The following WAC variants were observed in gnomAD, a reference collection of about 807,000 sequenced individuals.
WAC encodes WW domain containing adaptor with coiled-coil, also known as WW domain-containing adapter protein with coiled-coil.
WAC carries 11 observed loss-of-function variants against 79.6 expected under a neutral mutation model. The observed-to-expected ratio is 0.14, with a 90% CI of 0.09 to 0.23. WAC has a LOEUF of 0.23. Ranked by LOEUF, WAC falls within the 10% of genes least tolerant of loss-of-function variation. The pLI, the probability that WAC is intolerant of heterozygous loss-of-function variation, is 1.00. For synonymous variants in WAC, 304 were observed against 276.9 expected, an observed-to-expected ratio of 1.10 and a Z score of -0.97; for missense variants, 728 against 773.5, an observed-to-expected ratio of 0.94 and a Z score of 0.70.
chr10:28,603,981 ATATATATG>A (rs58327835), intron 7 of WAC, among the ~76,000 whole-genome samples: 9,162 of 51,274 alleles, frequency 0.18, 821 homozygotes, highest in East Asian at 0.2. Context: ...ATATATATAT[ATATATATG>A]TATATATATA....
At chr10:28,583,738 T>A (rs186125839) in intron 4 of WAC, among the ~76,000 whole-genome samples, 108 of 152,200 alleles carry the variant, frequency 7.1e-4, no homozygotes, top group Non-Finnish European at 7.2e-4. Flanking sequence ...TGGTATTACT[T>A]AATTAGGATT....
intron 3 of WAC, chr10:28,537,740 T>G (rs1472534826): frequency 3.3e-5 from 5 of 152,206 alleles, no homozygotes; most frequent in African/African-American, 1.2e-4. Context: ...CTAGTGGTGT[T>G]TTAGCCACTT....
chr10:28,550,021 C>G (rs1460385900), intron 3 of WAC, among the ~76,000 whole-genome samples: 3 of 152,126 alleles, frequency 2.0e-5, no homozygotes, highest in African/African-American at 7.2e-5. Flanking sequence ...AAAAAGTTAG[C>G]TGGGTGTGGT....
chr10:28,616,251 G>C lies in WAC; in HGVS notation c.1635G>C (p.Gln545His). Residue 545 changes from glutamine (Q) to histidine (H), a missense_variant, in exon 12 of 14, where the codon CAG (glutamine) becomes CAC (histidine). This residue lies in a region of WAC where 648 missense variants were observed against 661.5 expected (regional missense o/e 0.98). Transcript: ENST00000354911. ...SNASNATVVP[Q>H]NSSARSTCSL... ...CATCAAATGCAACAGTTGTACCACA[G>C]AATTCTTCTGCCCGATCCACGTGTT... 1 of 1,613,986 alleles carries C rather than the reference G, an allele frequency of 6.2e-7. No individual in the cohort carries two copies. The highest frequency in any genetic ancestry group is 8.5e-7 in the Non-Finnish European group (1 of 1,179,936).
intron 7 of WAC, among the ~76,000 whole-genome samples, chr10:28,598,252 A>C (rs751909038): frequency 1.7e-4 from 26 of 152,206 alleles, no homozygotes; most frequent in Admixed American, 7.2e-4. Context: ...GGATGGTTGC[A>C]GTCTGTTTTA....
At chr10:28,548,293 C>T (rs192482560) in intron 3 of WAC, among the ~76,000 whole-genome samples, 446 of 152,180 alleles carry the variant, frequency 2.9e-3, no homozygotes, top group Non-Finnish European at 4.9e-3. Flanking sequence ...TAACCCTATC[C>T]GTTAGAGAGT....
rs543796328 is a variant in WAC, at chr10:28,564,180, G to C, written c.275-19219G>C. On this transcript the variant is annotated intron_variant, in intron 3 of 13. Transcript: ENST00000354911. ...CTCTGGAGGCTGAGGTGGGAGGAAG[G>C]CTTAAGCCTAGGAGGTGGAGGTTGC... Among the ~76,000 whole-genome samples, 11 of 152,198 alleles carry C rather than the reference G, an allele frequency of 7.2e-5. No homozygotes were observed. In the South Asian group the frequency reaches 2.3e-3, roughly 32 times the overall value.
intron 6 of WAC, 31 bp downstream of exon 6, chr10:28,590,863 A>G (rs1470585011): frequency 2.7e-6 from 4 of 1,500,994 alleles, no homozygotes; most frequent in Non-Finnish European, 3.7e-6. Context: ...TTTGAAATGT[A>G]TGTTTGACTT....
intron 3 of WAC, among the ~76,000 whole-genome samples, chr10:28,577,178 A>G (rs1475535813): frequency 1.3e-5 from 2 of 152,160 alleles, no homozygotes; most frequent in Admixed American, 1.3e-4. Context: ...TTCTTGATAT[A>G]CAGTTGGTAA....
chr10:28,578,648 C>G (rs978473514), intron 3 of WAC, among the ~76,000 whole-genome samples: 2 of 152,028 alleles, frequency 1.3e-5, no homozygotes, highest in African/African-American at 4.8e-5. Context: ...ATGTCCATTT[C>G]TCGCTGAGTC....
At chr10:28,545,438 C>CCAT in intron 3 of WAC, among the ~76,000 whole-genome samples, 1 of 152,048 alleles carries the variant, frequency 6.6e-6, no homozygotes, top group Non-Finnish European at 1.5e-5. Context: ...TGAGATCACG[C>CCAT]CATTACATTC....
At chr10:28,559,579 A>C (rs1208573416) in intron 3 of WAC, among the ~76,000 whole-genome samples, 3 of 152,188 alleles carry the variant, frequency 2.0e-5, no homozygotes, top group African/African-American at 7.2e-5. Context: ...GTGACAAGCA[A>C]GTTTGTAAAG....
intron 11 of WAC, 90 bp downstream of exon 11, chr10:28,614,775 T>A: frequency 8.9e-7 from 1 of 1,126,488 alleles, no homozygotes; most frequent in Non-Finnish European, 1.3e-6. Context: ...AAATAGAACT[T>A]AACCTTTAAA....
chr10:28,600,808 C>T (rs1042504676), intron 7 of WAC, among the ~76,000 whole-genome samples: 5 of 151,702 alleles, frequency 3.3e-5, no homozygotes, highest in African/African-American at 1.2e-4. Flanking sequence ...ATACTTGCGA[C>T]ATGTAACAGG....
chr10:28,577,449 A>G (rs188917702), intron 3 of WAC, among the ~76,000 whole-genome samples: 24 of 152,164 alleles, frequency 1.6e-4, no homozygotes, highest in Admixed American at 7.8e-4. Context: ...GCTTTGTTCT[A>G]TTTTTCCCAT....
chr10:28,544,058 T>A (rs1402853073), intron 3 of WAC, among the ~76,000 whole-genome samples: 2 of 152,198 alleles, frequency 1.3e-5, no homozygotes, highest in Non-Finnish European at 2.9e-5. Flanking sequence ...AATTTTTGTA[T>A]TTTTAGTAGA....
At chr10:28,573,196 C>G (rs530545315) in intron 3 of WAC, among the ~76,000 whole-genome samples, 2 of 151,760 alleles carry the variant, frequency 1.3e-5, no homozygotes. Flanking sequence ...CTAGGCTGGT[C>G]TGGAATTCCT....
intron 4 of WAC, among the ~76,000 whole-genome samples, chr10:28,588,204 G>C (rs1485975516): frequency 6.6e-6 from 1 of 152,148 alleles, no homozygotes; most frequent in East Asian, 1.9e-4. Context: ...GTATAGGGAG[G>C]AGTAGGTGGT....
intron 3 of WAC, among the ~76,000 whole-genome samples, chr10:28,577,035 T>C (rs1319947604): frequency 2.6e-5 from 4 of 152,214 alleles, no homozygotes; most frequent in African/African-American, 7.2e-5. Context: ...GTGACTGTCA[T>C]TGAATAGCAC....
Sources: allele counts gnomAD v4.1 joint callset (sites outside exome capture counted in the v4.1 genomes callset), GRCh38; gene constraint gnomAD v4.1.1; regional missense constraint gnomAD v4.1.1; transcripts MANE v1.5; gene names NCBI Gene and HGNC (gene_info 2026-07-23, HGNC 2026-07-21).